The following RAD51B variants were observed in gnomAD, a reference collection of about 807,000 sequenced individuals.
RAD51B encodes the protein DNA repair protein RAD51 homolog 2.
A neutral mutation model predicts 42.2 loss-of-function variants in RAD51B; 38 were observed. The ratio of observed to expected loss-of-function variants is 0.90; its 90% CI spans 0.70 to 1.18. The LOEUF (loss-of-function observed/expected upper bound fraction) is 1.18. Ranked by LOEUF, RAD51B falls within the 50% of genes most tolerant of loss-of-function variation. RAD51B has a pLI of 0.00. For missense variants in RAD51B, 373 were observed against 400.7 expected, an observed-to-expected ratio of 0.93 and a Z score of 0.59; for synonymous variants, 154 against 145.2, an observed-to-expected ratio of 1.06 and a Z score of -0.43.
chr14:68,476,003 G>T (rs891576699), intron 10 of RAD51B, among the ~76,000 whole-genome samples: 7 of 146,946 alleles, frequency 4.8e-5, no homozygotes, highest in African/African-American at 1.3e-4. Flanking sequence ...AGCATCTATT[G>T]TTCACAAAGC....
At chr14:68,587,373 G>A (rs1000549098) in intron 10 of RAD51B, among the ~76,000 whole-genome samples, 3 of 152,160 alleles carry the variant, frequency 2.0e-5, no homozygotes, top group African/African-American at 4.8e-5. Flanking sequence ...CTGGGAAAAT[G>A]CAGAATCTCA....
In RAD51B at chr14:68,366,291, C is replaced by T. The variant is rs547427472; in HGVS notation, c.854-45133C>T. Among the ~76,000 whole-genome samples the T allele has an allele frequency of 9.2e-5, 14 of 152,236 alleles. No individual in the cohort carries two copies. The South Asian group carries it at 1.0e-3, about 11-fold the overall frequency. ...ATAGACAAATAGCCTATGTCTGTGA[C>T]GGTGATAAGACATTGGCCAAATCAT... is the stretch of plus-strand genomic sequence containing the variant. On this transcript the variant is annotated intron_variant, in intron 8 of 10. Coordinates refer to ENST00000471583, the MANE Select transcript of RAD51B (RefSeq NM_133510.4).
At chr14:68,231,520 T>C (rs1566745372) in intron 7 of RAD51B, among the ~76,000 whole-genome samples, 1 of 152,208 alleles carries the variant, frequency 6.6e-6, no homozygotes, top group Admixed American at 6.5e-5. Flanking sequence ...CCAATGTGTT[T>C]ATTGACTTGT....
downstream of RAD51B, among the ~76,000 whole-genome samples, chr14:68,479,764 G>A (rs914773751): frequency 1.4e-4 from 20 of 147,112 alleles, no homozygotes; most frequent in Admixed American, 1.1e-3. Context: ...AACCTCCCAG[G>A]CTCAAGCAAT....
intron 7 of RAD51B, among the ~76,000 whole-genome samples, chr14:67,910,581 G>A (rs1021453775): frequency 1.3e-5 from 2 of 151,572 alleles, no homozygotes; most frequent in African/African-American, 2.4e-5. Flanking sequence ...AGTCAGTGTC[G>A]ATGCCTTTTA....
intron 7 of RAD51B, among the ~76,000 whole-genome samples, chr14:67,981,522 G>A (rs752574999): frequency 6.6e-6 from 1 of 152,140 alleles, no homozygotes; most frequent in Non-Finnish European, 1.5e-5. Context: ...TGTCATAGCA[G>A]CCTTATTTAT....
chr14:68,166,215 AG>A (rs1308939678), intron 7 of RAD51B, among the ~76,000 whole-genome samples: 7 of 151,134 alleles, frequency 4.6e-5, no homozygotes, highest in Admixed American at 4.6e-4. Context: ...TGAAGAAAAA[AG>A]TCCTAGTCCA....
At chr14:67,821,610 G>C (rs567776514) in intron 1 of RAD51B, among the ~76,000 whole-genome samples, 1 of 151,994 alleles carries the variant, frequency 6.6e-6, no homozygotes, top group African/African-American at 2.4e-5. Context: ...ACAGGTGTGC[G>C]GCACAATGCC....
At chr14:68,375,439 A>G (rs534474206) in intron 8 of RAD51B, among the ~76,000 whole-genome samples, 1 of 152,296 alleles carries the variant, frequency 6.6e-6, no homozygotes, top group South Asian at 2.1e-4. Context: ...TGTGTGTTAT[A>G]TGCAGCGTCC....
chr14:68,658,297 C>A (rs921659390), intron 11 of RAD51B, among the ~76,000 whole-genome samples: 2 of 152,208 alleles, frequency 1.3e-5, no homozygotes, highest in African/African-American at 4.8e-5. Flanking sequence ...TGGGGGCTGC[C>A]CGGACCGAGA....
At chr14:68,601,897 T>A (rs2140094979) in intron 10 of RAD51B, among the ~76,000 whole-genome samples, 1 of 152,286 alleles carries the variant, frequency 6.6e-6, no homozygotes, top group African/African-American at 2.4e-5. Context: ...ACTGAAGTCA[T>A]CATTGACCCC....
intron 11 of RAD51B, among the ~76,000 whole-genome samples, chr14:68,668,475 G>A (rs1893080498): frequency 6.6e-6 from 1 of 152,210 alleles, no homozygotes; most frequent in Admixed American, 6.5e-5. Flanking sequence ...TGGCCAAACG[G>A]ATGTGGACAG....
At chr14:67,969,431 C>A (rs1045161121) in intron 7 of RAD51B, among the ~76,000 whole-genome samples, 1 of 152,152 alleles carries the variant, frequency 6.6e-6, no homozygotes, top group African/African-American at 2.4e-5. Context: ...TTAAATGTAA[C>A]CAGGACTCTT....
At chr14:68,206,289 G>A (rs1167029909) in intron 7 of RAD51B, among the ~76,000 whole-genome samples, 1 of 152,084 alleles carries the variant, frequency 6.6e-6, no homozygotes, top group African/African-American at 2.4e-5. Context: ...CCAGGTCAAG[G>A]CATTGTCTAA....
chr14:68,023,318 G>A (rs8020795), intron 7 of RAD51B, among the ~76,000 whole-genome samples: 35,430 of 151,948 alleles, frequency 0.23, 4,773 homozygotes, highest in Middle Eastern at 0.38. Flanking sequence ...ACAATCTCAT[G>A]AACATCTATT....
In RAD51B at chr14:68,557,806, C is replaced by T. The variant is rs1007105128; in HGVS notation, c.1037-36679C>T. Among the ~76,000 whole-genome samples the T allele has an allele frequency of 3.4e-4, 52 of 152,276 alleles. 2 individuals carry two copies. Among genetic ancestry groups the T allele is most frequent in the African/African-American group, 1.1e-3 (46 of 41,554 alleles). ...TGTTATATGCAAAGTGGAAAGGTAA[C>T]GTGACTGTTCTCTGCATTTCCTGCC... is the stretch of plus-strand genomic sequence containing the variant. On this transcript the variant is annotated intron_variant, in intron 10 of 10. Transcript: ENST00000487270.
At chr14:68,616,956 A>G (rs1891837984) in intron 10 of RAD51B, among the ~76,000 whole-genome samples, 1 of 151,334 alleles carries the variant, frequency 6.6e-6, no homozygotes, top group African/African-American at 2.4e-5. Flanking sequence ...TCCTCATTTT[A>G]TGTATGTTTT....
At chr14:68,359,074 G>T (rs940100443) in intron 8 of RAD51B, among the ~76,000 whole-genome samples, 2 of 151,992 alleles carry the variant, frequency 1.3e-5, no homozygotes, top group African/African-American at 2.4e-5. Flanking sequence ...CTGCTTGGAG[G>T]TGCCATAGGC....
At chr14:68,432,114 G>A (rs2085024219) in intron 9 of RAD51B, among the ~76,000 whole-genome samples, 1 of 152,228 alleles carries the variant, frequency 6.6e-6, no homozygotes, top group African/African-American at 2.4e-5. Context: ...TGGTCTGAGA[G>A]ACAGTTTGTT....
Sources: gnomAD v4.1 joint callset for allele counts (sites outside exome capture counted in the v4.1 genomes callset) on GRCh38, gnomAD v4.1.1 for gene constraint, MANE v1.5 for transcripts, NCBI Gene and HGNC (gene_info 2026-07-23, HGNC 2026-07-21) for gene names.